SIRPB1: variants seen among roughly 807,000 people sequenced by gnomAD.
The protein encoded by SIRPB1 is signal-regulatory protein beta-1.
A neutral mutation model predicts 34.1 loss-of-function variants in SIRPB1; 28 were observed. That is an observed-to-expected ratio of 0.82 (90% CI 0.61 to 1.12). The LOEUF (loss-of-function observed/expected upper bound fraction) is 1.12, where lower values mean the gene tolerates loss of function less well. Ranked by LOEUF, SIRPB1 falls within the 50% of genes most tolerant of loss-of-function variation. SIRPB1 has a pLI of 0.00. For synonymous variants in SIRPB1, 211 were observed against 203.8 expected (o/e 1.04, Z -0.30); for missense variants, 499 against 507.0 (o/e 0.98, Z 0.15).
In SIRPB1 at chr20:1,578,391, C is replaced by T. The variant is rs1286484553; in HGVS notation, c.380G>A (p.Ser127Asn). 1.3e-6 allele frequency: 2 copies of T among 1,587,596 alleles called. No individual in the cohort carries two copies. Among genetic ancestry groups the T allele is most frequent in the African/African-American group, 1.4e-5 (1 of 73,910 alleles). Reference sequence around the variant, plus strand: ...AGACTTAAACTCCACGTCGTCAGGGCTCCCTTTCCGGAACTTCACACAGTA... The same window carrying T: ...AGACTTAAACTCCACGTCGTCAGGGTTCCCTTTCCGGAACTTCACACAGTA... The part of the protein sequence containing the change: ...TYYCVKFRKG[S>N]PDDVEFKSGA... Residue 127 changes from serine (S) to asparagine (N), a missense_variant, in exon 2 of 6, where the codon AGC becomes AAC. Transcript: ENST00000381605.
rs2091466188 is a variant in SIRPB1 at position 1,598,995 on chromosome 20, G to A, written c.77-20301C>T. The A allele has an allele frequency of 6.8e-6, 2 of 296,208 alleles. 1 individual carries two copies. Among genetic ancestry groups the A allele is most frequent in the Admixed American group, 7.5e-5 (2 of 26,632 alleles). The allele number at this position is 296,208 out of a possible 1,614,324, so 18.3% of individuals were successfully genotyped here. A position where few individuals can be genotyped will look rare whatever the true frequency, so the allele number is the denominator to read the frequency against. ...GGCTACCCAGGATGCCATCCCAGAG[G>A]CCCCCACTTACCCCACCTGAGGCTA... On this transcript the variant is annotated intron_variant, in intron 1 of 5. Coordinates refer to ENST00000381605, the MANE Select transcript of SIRPB1 (RefSeq NM_006065.5).
intron 4 of SIRPB1, among the ~76,000 whole-genome samples, chr20:1,568,750 G>A (rs114102618): frequency 0.013 from 1,905 of 151,588 alleles, 49 homozygotes; most frequent in African/African-American, 0.043. Context: ...TATAAATCCC[G>A]CACTTAAAGA....
chr20:1,619,982 G>A lies in SIRPB1; in HGVS notation c.-38C>T. On this transcript the variant is annotated 5_prime_UTR_variant, in exon 1 of 6. Transcript: ENST00000381605. ...AGGAGCCTGCTCTGTCCAAACGTCT[G>A]TGCTGGGAAGATCGCAGACTCTGCT... 3 of 1,581,712 alleles carry A rather than the reference G, an allele frequency of 1.9e-6. No homozygotes were observed. Among genetic ancestry groups the A allele is most frequent in the African/African-American group, 1.4e-5 (1 of 73,412 alleles).
At chr20:1,570,542 T>C in intron 4 of SIRPB1, 6 of 360,708 alleles carry the variant, frequency 1.7e-5, no homozygotes, top group Non-Finnish European at 3.0e-5. Flanking sequence ...TTAATGTATA[T>C]TTATGTCAAA....
chr20:1,578,867 C>G (rs1333630520), intron 1 of SIRPB1, among the ~76,000 whole-genome samples, 173 bp from the exon 2 acceptor site: 1 of 148,440 alleles, frequency 6.7e-6, no homozygotes, highest in Non-Finnish European at 1.5e-5. Flanking sequence ...TGACGTAAGA[C>G]TGTAATACAA....
chr20:1,588,689 C>T lies in SIRPB1; in HGVS notation c.77-9995G>A. The T allele has an allele frequency of 3.6e-6, 2 of 562,500 alleles. 1 individual carries two copies. The highest frequency in any genetic ancestry group is 4.6e-6 in the Non-Finnish European group (2 of 432,554). The allele number at this position is 562,500 out of a possible 1,614,324, so 34.8% of individuals were successfully genotyped here. A position where few individuals can be genotyped will look rare whatever the true frequency, so the allele number is the denominator to read the frequency against. ...ACGTCTGTGGTGGGGAGATGTCAGGCTCTGCTCTGAGGAGAGAAGACAAGC... is the reference window on the plus strand; with the variant it reads ...ACGTCTGTGGTGGGGAGATGTCAGGTTCTGCTCTGAGGAGAGAAGACAAGC... On this transcript the variant is annotated intron_variant, in intron 1 of 5. Transcript: ENST00000381605.
rs73570825 is a variant in SIRPB1 at position 1,562,483 on chromosome 20, C to G, written c.*3017G>C. On this transcript the variant is annotated 3_prime_UTR_variant, in exon 6 of 6. Coordinates refer to ENST00000381605, the MANE Select transcript of SIRPB1 (RefSeq NM_006065.5). ...TATAACTGACATTCCATTTGCGTAACATAGATAAATACAGGCAGTTCTCAC... is the reference window on the plus strand; with the variant it reads ...TATAACTGACATTCCATTTGCGTAAGATAGATAAATACAGGCAGTTCTCAC... Among the ~76,000 whole-genome samples the G allele has an allele frequency of 9.6e-3, 1,448 of 150,950 alleles. 29 individuals carry two copies. Among genetic ancestry groups the G allele is most frequent in the African/African-American group, 0.034 (1,411 of 40,966 alleles).
chr20:1,566,558 T>A (rs990852589), intron 4 of SIRPB1, among the ~76,000 whole-genome samples: 31 of 152,200 alleles, frequency 2.0e-4, no homozygotes, highest in Non-Finnish European at 2.1e-4. Flanking sequence ...CCTCACTTGA[T>A]CCTCACACGC....
intron 2 of SIRPB1, among the ~76,000 whole-genome samples, chr20:1,577,730 C>T (rs1226406910): frequency 6.8e-6 from 1 of 146,480 alleles, no homozygotes; most frequent in African/African-American, 2.5e-5. Flanking sequence ...GAATGTGCCT[C>T]CGAGAAATCT....
chr20:1,582,227 G>C lies in SIRPB1; in HGVS notation c.77-3533C>G, dbSNP rs181051459. Among the ~76,000 whole-genome samples the C allele has an allele frequency of 5.4e-3, 262 of 48,720 alleles. 121 individuals carry two copies. Among genetic ancestry groups the C allele is most frequent in the African/African-American group, 0.033 (245 of 7,392 alleles). The allele number at this position is 48,720 out of a possible 152,430, so 32.0% of individuals were successfully genotyped here. A position where few individuals can be genotyped will look rare whatever the true frequency, so the allele number is the denominator to read the frequency against. On this transcript the variant is annotated intron_variant, in intron 1 of 5. Coordinates refer to ENST00000381605, the MANE Select transcript of SIRPB1 (RefSeq NM_006065.5). The stretch of plus-strand genomic sequence containing the variant: ...TGGCTATATATTTCCTCAGGGCCTT[G>C]ATGCAAAAATAATGCTCTTTATGGC...
In SIRPB1 at chr20:1,571,847, G is replaced by A. The variant is rs747244680; in HGVS notation, c.624C>T (p.Ile208=). 1 of 1,614,246 alleles carries A rather than the reference G, an allele frequency of 6.2e-7. No individual in the cohort carries two copies. Among genetic ancestry groups the A allele is most frequent in the Admixed American group, 1.7e-5 (1 of 60,030 alleles). The change falls in exon 3 of 6, where the codon ATC becomes ATT. Residue 208 remains isoleucine, a synonymous_variant. Coordinates refer to ENST00000381605, the MANE Select transcript of SIRPB1 (RefSeq NM_006065.5). The stretch of plus-strand genomic sequence containing the variant: ...TCAGCACCACCCTGGCTGTGCTGTG[G>A]ATGCTGTAGGACACACTGTCTCCTG... ...DPAGDSVSYS[I]HSTARVVLTR...
chr20:1,579,273 G>A (rs1355992301), intron 1 of SIRPB1, among the ~76,000 whole-genome samples: 2 of 148,238 alleles, frequency 1.3e-5, no homozygotes, highest in Admixed American at 6.7e-5. Context: ...TTTCAATGTA[G>A]AGCTTTGGGT....
Position 1,579,301 on chromosome 20 carries a change from C to G in SIRPB1, c.77-607G>C, listed in dbSNP as rs2091368492. Among the ~76,000 whole-genome samples, 3 of 148,288 alleles carry G rather than the reference C, an allele frequency of 2.0e-5. 1 individual carries two copies. Among genetic ancestry groups the G allele is most frequent in the Non-Finnish European group, 4.5e-5 (3 of 66,228 alleles). Reference sequence around the variant, plus strand: ...CTTTGGGTTGAGGACCTGAGTAGAACTATTGAGCCCTCCTCGGAAGTGCCA... The same window carrying G: ...CTTTGGGTTGAGGACCTGAGTAGAAGTATTGAGCCCTCCTCGGAAGTGCCA... On this transcript the variant is annotated intron_variant, in intron 1 of 5. Coordinates refer to ENST00000381605, the MANE Select transcript of SIRPB1 (RefSeq NM_006065.5).
Position 1,564,232 on chromosome 20 carries a change from A to T in SIRPB1, c.*1268T>A, listed in dbSNP as rs192587354. On this transcript the variant is annotated 3_prime_UTR_variant, in exon 6 of 6. Transcript: ENST00000381605. The stretch of plus-strand genomic sequence containing the variant: ...TGCTTTCCTGGGTTTCAGGTTGCAC[A>T]GTCATTTTTGCAATCTTGCACTGCC... 4.3e-4 allele frequency: 66 copies of T among 152,338 alleles called. No homozygotes were observed. Among genetic ancestry groups the T allele is most frequent in the African/African-American group, 1.4e-3 (59 of 41,572 alleles). 9.4% of individuals were successfully genotyped at this position (152,338 alleles called of 1,614,324 possible).
At position 1,561,746 on chromosome 20, in the gene SIRPB1, C is replaced by A. The variant is rs1006125460; in HGVS notation, c.*3754G>T. Among the ~76,000 whole-genome samples the A allele has an allele frequency of 1.3e-5, 2 of 152,196 alleles. No homozygotes were observed. The highest frequency in any genetic ancestry group is 4.8e-5 in the African/African-American group (2 of 41,440). The stretch of plus-strand genomic sequence containing the variant: ...TATGATTCTTGATGTTGATTTATAA[C>A]TGTTGATGAACTCTTGATCACCTGG... On this transcript the variant is annotated 3_prime_UTR_variant, in exon 6 of 6. Transcript: ENST00000381605.
Position 1,571,000 on chromosome 20 carries a change from T to C in SIRPB1, c.889A>G (p.Thr297Ala). Reference sequence around the variant, plus strand: ...TTGTTCTCTATGAGGGTCGAAGCTGTTTCTGTCCGGGACACATTTCCATTC... The same window carrying C: ...TTGTTCTCTATGAGGGTCGAAGCTGCTTCTGTCCGGGACACATTTCCATTC... ...LENGNVSRTETASTLIENKDG... is the reference protein window; with the variant it reads ...LENGNVSRTEAASTLIENKDG... The change falls in exon 4 of 6, where the codon ACA becomes GCA. Residue 297 changes from threonine to alanine, a missense_variant. Physicochemically the swap from Thr to Ala is moderately conservative, Grantham distance 58 (BLOSUM62 0). Coordinates refer to ENST00000381605, the MANE Select transcript of SIRPB1 (RefSeq NM_006065.5). 6.2e-7 allele frequency: 1 copy of C among 1,614,168 alleles called. No homozygotes were observed. The highest frequency in any genetic ancestry group is 8.5e-7 in the Non-Finnish European group (1 of 1,180,012).
chr20:1,617,874 AAAATG>A (rs1342243722), intron 1 of SIRPB1, among the ~76,000 whole-genome samples: 6 of 152,306 alleles, frequency 3.9e-5, no homozygotes, highest in Non-Finnish European at 7.4e-5. Context: ...ACAATGATAA[AAAATG>A]AAATCTCCTG....
Position 1,570,824 on chromosome 20 carries a change from G to A in SIRPB1, c.1065C>T (p.His355=), listed in dbSNP as rs762353076. 9.0e-5 allele frequency: 146 copies of A among 1,613,506 alleles called. 1 individual carries two copies. Among genetic ancestry groups the A allele is most frequent in the African/African-American group, 2.9e-4 (22 of 74,890 alleles). The part of the protein sequence containing the change: ...ALEISAHQKE[H]GSDITHEAAL... Reference sequence around the variant, plus strand: ...CCGCACCATGGGTGATATCTGAGCCGTGCTCCTTCTGGTGCGCTGAGATCT... The same window carrying A: ...CCGCACCATGGGTGATATCTGAGCCATGCTCCTTCTGGTGCGCTGAGATCT... The change falls in exon 4 of 6, where the codon CAC becomes CAT. Residue 355 remains histidine, a synonymous_variant. Transcript: ENST00000381605.
chr20:1,578,428 C>T lies in SIRPB1; in HGVS notation c.343G>A (p.Ala115Thr), dbSNP rs201259964. Reference sequence around the variant, plus strand: ...AACTTCACACAGTAGTAGGTGCCGGCGTCTGCTGGGGTGATGTTACTGATG... The same window carrying T: ...AACTTCACACAGTAGTAGGTGCCGGTGTCTGCTGGGGTGATGTTACTGATG... ...ISISNITPAD[A>T]GTYYCVKFRK... The change falls in exon 2 of 6, where the codon GCC becomes ACC. Residue 115 changes from alanine (A) to threonine (T), a missense_variant. Physicochemically the swap from Ala to Thr is moderately conservative, Grantham distance 58. Coordinates refer to ENST00000381605, the MANE Select transcript of SIRPB1 (RefSeq NM_006065.5). The T allele has an allele frequency of 6.1e-5, 97 of 1,585,026 alleles. 7 individuals carry two copies. The highest frequency in any genetic ancestry group is 1.0e-4 in the Admixed American group (6 of 59,282).
Sources: allele counts gnomAD v4.1 joint callset (sites outside exome capture counted in the v4.1 genomes callset), GRCh38; gene constraint gnomAD v4.1.1; transcripts MANE v1.5; gene names NCBI Gene and HGNC (gene_info 2026-07-23, HGNC 2026-07-21).